TMCO1: variants seen among roughly 807,000 people sequenced by gnomAD.
TMCO1 encodes calcium load-activated calcium channel.
Under a neutral mutation model 29.3 loss-of-function variants are expected in TMCO1, and 29 were observed. The ratio of observed to expected loss-of-function variants is 0.99; its 90% CI spans 0.74 to 1.35. TMCO1 has a LOEUF of 1.35. TMCO1 is among the 40% of genes most tolerant of loss of function. TMCO1 has a pLI of 0.00. For synonymous variants in TMCO1, 80 were observed against 77.1 expected, an observed-to-expected ratio of 1.04 and a Z score of -0.20; for missense variants, 173 against 225.5, an observed-to-expected ratio of 0.77 and a Z score of 1.49.
At chr1:165,726,642 A>G (rs1486780060), downstream of TMCO1, 1 of 454,690 alleles carries the variant, frequency 2.2e-6, no homozygotes, top group Non-Finnish European at 4.4e-6. Flanking sequence ...TCCTTAAATT[A>G]GATAATCCAT....
intron 2 of TMCO1, among the ~76,000 whole-genome samples, chr1:165,766,761 A>AAATAAAT (rs1652583537): frequency 1.5e-5 from 2 of 135,404 alleles, no homozygotes; most frequent in Admixed American, 7.4e-5. Context: ...CCTGTCTCAA[A>AAATAAAT]AAATAAATAA....
chr1:165,758,525 C>T (rs1439077218), intron 3 of TMCO1, among the ~76,000 whole-genome samples: 1 of 151,804 alleles, frequency 6.6e-6, no homozygotes, highest in Non-Finnish European at 1.5e-5. Context: ...CACTGCACTA[C>T]AGCCTAGGAA....
At chr1:165,759,789 T>C (rs1471038758) in intron 2 of TMCO1, among the ~76,000 whole-genome samples, 1 of 152,164 alleles carries the variant, frequency 6.6e-6, no homozygotes, top group East Asian at 1.9e-4. Flanking sequence ...AAACAACAAT[T>C]ATAAGCATCA....
At chr1:165,768,898 G>A, upstream of TMCO1, 2 of 1,547,010 alleles carry the variant, frequency 1.3e-6, no homozygotes, top group Non-Finnish European at 1.7e-6. Context: ...TTCCGCTTCC[G>A]GGGCATAGCA....
chr1:165,733,474 G>A (rs950746082), intron 6 of TMCO1, among the ~76,000 whole-genome samples: 3 of 151,958 alleles, frequency 2.0e-5, no homozygotes, highest in South Asian at 4.2e-4. Flanking sequence ...CTCCACATGC[G>A]CCTGTAATCC....
In TMCO1 at chr1:165,729,998, G is replaced by A. The variant is rs79216229; in HGVS notation, c.469-1877C>T. ...ATACACACCCTCAATCCTTCATCAT[G>A]AAGAATGATGACTACTATGGATAAG... On this transcript the variant is annotated intron_variant, in intron 6 of 6. Transcript: ENST00000367881. Among the ~76,000 whole-genome samples, 897 of 151,998 alleles carry A rather than the reference G, an allele frequency of 5.9e-3. 7 individuals are homozygous for A. Among genetic ancestry groups the A allele is most frequent in the African/African-American group, 0.021 (855 of 41,400 alleles).
intron 6 of TMCO1, among the ~76,000 whole-genome samples, chr1:165,730,329 C>T (rs149708773): frequency 0.011 from 1,461 of 136,558 alleles, 18 homozygotes; most frequent in Middle Eastern, 0.03. Context: ...GGCGAGACTC[C>T]GTCTCAAAAC....
At chr1:165,757,487 C>T (rs988346727) in intron 3 of TMCO1, among the ~76,000 whole-genome samples, 1 of 152,066 alleles carries the variant, frequency 6.6e-6, no homozygotes, top group Non-Finnish European at 1.5e-5. Flanking sequence ...TGATAAGCAA[C>T]TCTTCATAAA....
intron 6 of TMCO1, among the ~76,000 whole-genome samples, chr1:165,728,339 C>G (rs915247416): frequency 2.0e-5 from 3 of 151,746 alleles, no homozygotes; most frequent in Non-Finnish European, 2.9e-5. Flanking sequence ...TCACTGCAAG[C>G]TCTGCCTCCC....
intron 6 of TMCO1, among the ~76,000 whole-genome samples, chr1:165,741,279 C>A (rs1651584785): frequency 6.6e-6 from 1 of 152,126 alleles, no homozygotes; most frequent in African/African-American, 2.4e-5. Context: ...TTTTCCCATT[C>A]TTTTCATCCC....
chr1:165,762,287 T>A (rs1358654223), intron 2 of TMCO1, among the ~76,000 whole-genome samples: 1 of 151,398 alleles, frequency 6.6e-6, no homozygotes, highest in Non-Finnish European at 1.5e-5. Context: ...GGATAACATT[T>A]TAAAAGACAA....
chr1:165,763,221 C>A (rs1317919260), intron 2 of TMCO1, among the ~76,000 whole-genome samples: 1 of 152,162 alleles, frequency 6.6e-6, no homozygotes, highest in East Asian at 1.9e-4. Context: ...TACAAAGTAT[C>A]AGAAGGAATT....
intron 2 of TMCO1, among the ~76,000 whole-genome samples, chr1:165,763,485 G>C (rs186616094): frequency 6.6e-6 from 1 of 152,102 alleles, no homozygotes; most frequent in African/African-American, 2.4e-5. Flanking sequence ...CCAGAGTAGA[G>C]GACCTAAGAC....
At chr1:165,743,095 A>G in intron 6 of TMCO1, 72 bp downstream of exon 6, 1 of 1,561,744 alleles carries the variant, frequency 6.4e-7, no homozygotes, top group South Asian at 1.1e-5. Flanking sequence ...TTCTAGTATT[A>G]TAAAAGTAAA....
At chr1:165,743,095 A>T in intron 6 of TMCO1, 72 bp downstream of exon 6, 1 of 1,561,742 alleles carries the variant, frequency 6.4e-7, no homozygotes, top group Non-Finnish European at 8.8e-7. Context: ...TTCTAGTATT[A>T]TAAAAGTAAA....
chr1:165,761,804 C>A (rs1571231672), intron 2 of TMCO1, among the ~76,000 whole-genome samples: 1 of 151,558 alleles, frequency 6.6e-6, no homozygotes, highest in African/African-American at 2.4e-5. Context: ...CAAAAATCAG[C>A]CGGCCATGGT....
At chr1:165,731,085 G>C (rs888087243) in intron 6 of TMCO1, among the ~76,000 whole-genome samples, 1 of 152,058 alleles carries the variant, frequency 6.6e-6, no homozygotes, top group Non-Finnish European at 1.5e-5. Context: ...ATTTTTAGTA[G>C]AGACGGGGTA....
At chr1:165,740,737 G>A (rs1327398965) in intron 6 of TMCO1, among the ~76,000 whole-genome samples, 1 of 152,186 alleles carries the variant, frequency 6.6e-6, no homozygotes, top group Non-Finnish European at 1.5e-5. Context: ...ATAGATTAAT[G>A]TCATTATCAC....
chr1:165,768,485 A>C (rs970701279), intron 1 of TMCO1, 197 bp downstream of exon 1: 40 of 1,543,218 alleles, frequency 2.6e-5, no homozygotes, highest in Non-Finnish European at 3.5e-5. Context: ...AATCTACCTG[A>C]GACCAAAGAA....
Sources: gnomAD v4.1 joint callset for allele counts (sites outside exome capture counted in the v4.1 genomes callset) on GRCh38, gnomAD v4.1.1 for gene constraint, MANE v1.5 for transcripts, NCBI Gene and HGNC (gene_info 2026-07-23, HGNC 2026-07-21) for gene names.